The following SUGP1 variants were observed in gnomAD, a reference collection of about 807,000 sequenced individuals.
SUGP1 encodes SURP and G-patch domain containing 1.
In SUGP1, 34 loss-of-function variants were observed where a neutral mutation model predicts 76.5. The ratio of observed to expected loss-of-function variants is 0.44; its 90% CI spans 0.34 to 0.59. The LOEUF is 0.59. Ranked by LOEUF, SUGP1 falls within the 20% of genes least tolerant of loss-of-function variation. The pLI, the probability that SUGP1 is intolerant of heterozygous loss-of-function variation, is 0.01. For synonymous variants in SUGP1, 326 were observed against 326.2 expected, an observed-to-expected ratio of 1.00 and a Z score of 0.01; for missense variants, 752 against 851.7, an observed-to-expected ratio of 0.88 and a Z score of 1.46.
At chr19:19,309,994 C>T (rs551797191) in intron 3 of SUGP1, 103 bp downstream of exon 3, 5 of 771,812 alleles carry the variant, frequency 6.5e-6, no homozygotes, top group Admixed American at 4.1e-5. Flanking sequence ...CTATGATTAC[C>T]GGTGAGCAGG....
chr19:19,297,492 C>T (rs1323033048), intron 7 of SUGP1, 148 bp from the exon 8 acceptor site: 12 of 524,670 alleles, frequency 2.3e-5, no homozygotes, highest in East Asian at 1.3e-4. Context: ...CCATGACCTC[C>T]TGCCCTGCCA....
chr19:19,301,126 G>A (rs2061268446), intron 7 of SUGP1, among the ~76,000 whole-genome samples: 1 of 152,106 alleles, frequency 6.6e-6, no homozygotes, highest in Non-Finnish European at 1.5e-5. Context: ...CTGAGGTGTG[G>A]TCAACAACTC....
chr19:19,284,292 C>T (rs1231565284), intron 8 of SUGP1, among the ~76,000 whole-genome samples: 3 of 151,966 alleles, frequency 2.0e-5, no homozygotes, highest in African/African-American at 7.3e-5. Context: ...AAGACTCCAT[C>T]TCAAAAAAAA....
chr19:19,276,383 T>C lies in SUGP1; in HGVS notation c.*265A>G. On this transcript the variant is annotated 3_prime_UTR_variant, in exon 14 of 14. Transcript: ENST00000247001. ...TTTACTATGCTGAAAACAACTTTCT[T>C]CCTCCCCTCCAGTGCAACCCAGGCT... is the stretch of plus-strand genomic sequence containing the variant. The C allele has an allele frequency of 2.2e-6, 1 of 451,096 alleles. No individual in the cohort carries two copies. The highest frequency in any genetic ancestry group is 4.0e-6 in the Non-Finnish European group (1 of 248,138). 27.9% of individuals were successfully genotyped at this position (451,096 alleles called of 1,614,324 possible). A position where few individuals can be genotyped will look rare whatever the true frequency, so the allele number is the denominator to read the frequency against.
chr19:19,277,290 A>G (rs538541586), intron 12 of SUGP1, among the ~76,000 whole-genome samples: 11 of 151,142 alleles, frequency 7.3e-5, no homozygotes, highest in African/African-American at 2.7e-4. Flanking sequence ...CCACACAGGA[A>G]GGAGGAGCCC....
At chr19:19,277,936 A>C (rs2061066904) in intron 11 of SUGP1, 57 bp from the exon 12 acceptor site, 7 of 1,598,216 alleles carry the variant, frequency 4.4e-6, no homozygotes, top group Non-Finnish European at 6.0e-6. Flanking sequence ...GTGGCCCCCA[A>C]ATCCAACCTT....
rs1022746563 is a variant in SUGP1, at chr19:19,276,741, G to A, written c.1912-67C>T. The A allele has an allele frequency of 3.7e-6, 6 of 1,606,062 alleles. No individual in the cohort carries two copies. In the African/African-American group the frequency reaches 6.7e-5, roughly 18 times the overall value. On this transcript the variant is annotated intron_variant, in intron 13 of 13. Coordinates refer to ENST00000247001, the MANE Select transcript of SUGP1 (RefSeq NM_172231.4). ...CTAAAGACAGCAGTTCCTCCTGTCT[G>A]GAACCTTCCGGAGGCAGCTGAGCCC...
Position 19,316,595 on chromosome 19 carries a change from T to A in SUGP1, c.35-2A>T. The A allele has an allele frequency of 6.2e-7, 1 of 1,613,794 alleles. No homozygotes were observed. Among genetic ancestry groups the A allele is most frequent in the Non-Finnish European group, 8.5e-7 (1 of 1,179,824 alleles). ...CCCCAAACCACCGGTTAGCCTTTCCTGGGGAGGGAAAAGGAGTACGTCGGA... is the reference window on the plus strand; with the variant it reads ...CCCCAAACCACCGGTTAGCCTTTCCAGGGGAGGGAAAAGGAGTACGTCGGA... On this transcript the variant is annotated splice_acceptor_variant, in intron 1 of 13. Transcript: ENST00000247001. LOFTEE classifies it high-confidence loss of function.
chr19:19,311,620 G>A (rs983910939), intron 2 of SUGP1, among the ~76,000 whole-genome samples: 3 of 151,506 alleles, frequency 2.0e-5, no homozygotes, highest in African/African-American at 4.9e-5. Flanking sequence ...CCAGCTACCC[G>A]GGAGGCTGAG....
intron 4 of SUGP1, among the ~76,000 whole-genome samples, chr19:19,305,128 C>G (rs140469005): frequency 6.6e-6 from 1 of 152,176 alleles, no homozygotes; most frequent in African/African-American, 2.4e-5. Flanking sequence ...GCCTCTGATC[C>G]GCTCGGACAC....
At chr19:19,319,217 G>A (rs1298824051) in intron 1 of SUGP1, among the ~76,000 whole-genome samples, 2 of 151,910 alleles carry the variant, frequency 1.3e-5, no homozygotes, top group African/African-American at 2.4e-5. Context: ...GCGAAACTCC[G>A]CTTCAACAAA....
chr19:19,296,998 G>T lies in SUGP1; in HGVS notation c.1234C>A (p.Pro412Thr), dbSNP rs1300023551. The change falls in exon 8 of 14, where the codon CCT becomes ACT. Residue 412 changes from proline to threonine, a missense_variant. Pro to Thr is a conservative substitution (Grantham distance 38). Transcript: ENST00000247001. Reference sequence around the variant, plus strand: ...GAGAGGGTCTGCCCACCTGACAGAGGCGAGGGAGAGGCATCCACGTCCCTC... The same window carrying T: ...GAGAGGGTCTGCCCACCTGACAGAGTCGAGGGAGAGGCATCCACGTCCCTC... ...VQRDVDASPS[P>T]LSVQDLKGLG... 1.3e-6 allele frequency: 2 copies of T among 1,577,898 alleles called. No homozygotes were observed. The highest frequency in any genetic ancestry group is 8.7e-7 in the Non-Finnish European group (1 of 1,155,554).
chr19:19,281,732 C>T (rs1801613954), intron 8 of SUGP1, among the ~76,000 whole-genome samples: 1 of 152,244 alleles, frequency 6.6e-6, no homozygotes, highest in East Asian at 1.9e-4. Context: ...TTCTGCTCCA[C>T]AGTGCAGGCT....
At chr19:19,314,404 T>C (rs1001118853) in intron 2 of SUGP1, among the ~76,000 whole-genome samples, 13 of 152,144 alleles carry the variant, frequency 8.5e-5, no homozygotes, top group Non-Finnish European at 1.5e-4. Flanking sequence ...TGTCTCTGTG[T>C]TGCAGAGTTA....
At chr19:19,280,394 G>A (rs2061088962) in intron 8 of SUGP1, 103 bp from the exon 9 acceptor site, 1 of 999,652 alleles carries the variant, frequency 1.0e-6, no homozygotes, top group African/African-American at 1.6e-5. Context: ...TGACACTCCA[G>A]GCACACGGGG....
chr19:19,284,118 TA>T (rs1472833252), intron 8 of SUGP1, among the ~76,000 whole-genome samples: 1 of 152,194 alleles, frequency 6.6e-6, no homozygotes, highest in Non-Finnish European at 1.5e-5. Flanking sequence ...TGCAATATAG[TA>T]AACCTTGAAT....
At position 19,277,092 on chromosome 19, in the gene SUGP1, G is replaced by A. The variant is rs775745961; in HGVS notation, c.1782-16C>T. ...GGTGGTGCCCCTACAGGGAGAAGAG[G>A]ATGTGAGCAGGGACCTGGGGCCAGA... On this transcript the variant is annotated splice_polypyrimidine_tract_variant and intron_variant, in intron 12 of 13. Transcript: ENST00000247001. 6.2e-7 allele frequency: 1 copy of A among 1,603,348 alleles called. No individual in the cohort carries two copies. The highest frequency in any genetic ancestry group is 1.7e-5 in the Admixed American group (1 of 58,930).
chr19:19,303,077 G>A (rs774344542), intron 6 of SUGP1, among the ~76,000 whole-genome samples: 7 of 152,094 alleles, frequency 4.6e-5, no homozygotes, highest in Non-Finnish European at 1.0e-4. Context: ...GCCCTGAACC[G>A]CTCTCCCAGA....
intron 7 of SUGP1, among the ~76,000 whole-genome samples, chr19:19,300,613 C>A (rs545852496): frequency 6.6e-6 from 1 of 152,218 alleles, no homozygotes; most frequent in Non-Finnish European, 1.5e-5. Context: ...CCTGCACACC[C>A]TGCAGGGGCT....
Sources: allele counts gnomAD v4.1 joint callset (sites outside exome capture counted in the v4.1 genomes callset), GRCh38; gene constraint gnomAD v4.1.1; transcripts MANE v1.5; gene names NCBI Gene and HGNC (gene_info 2026-07-23, HGNC 2026-07-21).